FGD4: variants seen among roughly 807,000 people sequenced by gnomAD.
FGD4 encodes FYVE, RhoGEF and PH domain-containing protein 4.
In FGD4, 42 loss-of-function variants were observed where a neutral mutation model predicts 102.0. The ratio of observed to expected loss-of-function variants is 0.41; its 90% CI spans 0.32 to 0.53. The LOEUF (loss-of-function observed/expected upper bound fraction) is 0.53. Among genes scored for constraint, FGD4 ranks in the 20% least tolerant of loss-of-function variants. The pLI, the probability that FGD4 is intolerant of heterozygous loss-of-function variation, is 0.21. For synonymous variants in FGD4, 380 were observed against 375.7 expected, an observed-to-expected ratio of 1.01 and a Z score of -0.13; for missense variants, 902 against 1,078.2, an observed-to-expected ratio of 0.84 and a Z score of 2.29.
At chr12:32,566,168 C>A (rs923202517) in intron 2 of FGD4, among the ~76,000 whole-genome samples, 1 of 152,162 alleles carries the variant, frequency 6.6e-6, no homozygotes, top group African/African-American at 2.4e-5. Flanking sequence ...GTAATGAGGG[C>A]CTGCTTTGTG....
At chr12:32,505,299 C>G (rs1483372570) in intron 1 of FGD4, among the ~76,000 whole-genome samples, 2 of 152,156 alleles carry the variant, frequency 1.3e-5, no homozygotes, top group African/African-American at 4.8e-5. Flanking sequence ...TGCATCAGCA[C>G]AATTTTGCAT....
At chr12:32,550,649 C>T (rs1158721418) in intron 1 of FGD4, among the ~76,000 whole-genome samples, 2 of 121,930 alleles carry the variant, frequency 1.6e-5, no homozygotes, top group East Asian at 2.4e-4. Flanking sequence ...CCAGCCTGGG[C>T]GACAGAGCAA....
At chr12:32,604,949 T>TTTTTTTTTG (rs1948676870) in intron 7 of FGD4, among the ~76,000 whole-genome samples, 2 of 145,410 alleles carry the variant, frequency 1.4e-5, no homozygotes, top group African/African-American at 5.3e-5. Context: ...TTTTTTTTTT[T>TTTTTTTTTG]TTTTTTGGAG....
intron 10 of FGD4, 98 bp from the exon 11 acceptor site, chr12:32,619,600 C>G: frequency 2.2e-6 from 3 of 1,372,788 alleles, no homozygotes; most frequent in Non-Finnish European, 3.1e-6. Context: ...CTATTACACT[C>G]CAGCCTGGGC....
rs1250383078 is a variant in FGD4, at chr12:32,643,820, C to A, written c.*3287C>A. On this transcript the variant is annotated 3_prime_UTR_variant, in exon 17 of 17. Transcript: ENST00000534526. Reference sequence around the variant, plus strand: ...GAGTTCACAATTCTGTTTTACTTTTCCTTGTCCTTACTTTTTGGAAACAGG... The same window carrying A: ...GAGTTCACAATTCTGTTTTACTTTTACTTGTCCTTACTTTTTGGAAACAGG... The A allele has an allele frequency of 6.6e-6, 1 of 151,914 alleles. No homozygotes were observed. Among genetic ancestry groups the A allele is most frequent in the Non-Finnish European group, 1.5e-5 (1 of 67,912 alleles). The allele number at this position is 151,914 out of a possible 1,614,324, so 9.4% of individuals were successfully genotyped here.
At chr12:32,624,712 G>T (rs1333242319) in intron 12 of FGD4, 2 of 658,426 alleles carry the variant, frequency 3.0e-6, no homozygotes, top group Middle Eastern at 4.0e-4. Flanking sequence ...GAGCTCAAGC[G>T]ATCTGCCTGC....
intron 7 of FGD4, among the ~76,000 whole-genome samples, chr12:32,603,142 T>C (rs1350583192): frequency 6.6e-6 from 1 of 152,210 alleles, no homozygotes; most frequent in African/African-American, 2.4e-5. Context: ...TTATATGTTG[T>C]GAGTCTATAA....
rs1478988914 is a variant in FGD4, at chr12:32,643,742, G to A, written c.*3209G>A. 1 of 151,504 alleles carries A rather than the reference G, an allele frequency of 6.6e-6. No individual in the cohort carries two copies. Among genetic ancestry groups the A allele is most frequent in the Non-Finnish European group, 1.5e-5 (1 of 67,796 alleles). 9.4% of individuals were successfully genotyped at this position (151,504 alleles called of 1,614,324 possible). A position where few individuals can be genotyped will look rare whatever the true frequency, so the allele number is the denominator to read the frequency against. Reference sequence around the variant, plus strand: ...AACGATAAAGTTTGTGGTACTGCAGGGTTGTTAAAGATTCTTTGATGCCTT... The same window carrying A: ...AACGATAAAGTTTGTGGTACTGCAGAGTTGTTAAAGATTCTTTGATGCCTT... On this transcript the variant is annotated 3_prime_UTR_variant, in exon 17 of 17. Coordinates refer to ENST00000534526, the MANE Select transcript of FGD4 (RefSeq NM_001370298.3).
chr12:32,621,406 G>C (rs1425343875), intron 11 of FGD4, among the ~76,000 whole-genome samples: 3 of 152,176 alleles, frequency 2.0e-5, no homozygotes, highest in African/African-American at 4.8e-5. Flanking sequence ...AATCCTAGCT[G>C]TAGTGGTGTC....
chr12:32,632,100 A>C (rs1396960057), intron 14 of FGD4, among the ~76,000 whole-genome samples: 2 of 152,208 alleles, frequency 1.3e-5, no homozygotes, highest in African/African-American at 4.8e-5. Context: ...AAATTTGACT[A>C]ATATATTTTC....
chr12:32,553,443 A>G (rs1251397466), intron 1 of FGD4, among the ~76,000 whole-genome samples: 5 of 152,192 alleles, frequency 3.3e-5, no homozygotes, highest in Non-Finnish European at 7.3e-5. Flanking sequence ...GGAAAACAAA[A>G]TATTTCTAGT....
chr12:32,639,828 G>C (rs1317432521), intron 16 of FGD4, among the ~76,000 whole-genome samples: 1 of 152,068 alleles, frequency 6.6e-6, no homozygotes, highest in Admixed American at 6.6e-5. Flanking sequence ...AAAATGACAG[G>C]CTATATAGTT....
chr12:32,577,601 G>A (rs1946231435), intron 3 of FGD4, among the ~76,000 whole-genome samples: 2 of 152,156 alleles, frequency 1.3e-5, no homozygotes, highest in African/African-American at 4.8e-5. Flanking sequence ...AGAGAAGCCT[G>A]TCTTCAATTT....
At chr12:32,596,582 G>GT (rs140983070) in intron 4 of FGD4, among the ~76,000 whole-genome samples, 48,445 of 147,104 alleles carry the variant, frequency 0.33, 7,839 homozygotes, top group Middle Eastern at 0.48. Flanking sequence ...GCAATGGAAA[G>GT]TTTTTTTTTT....
Position 32,552,221 on chromosome 12 carries a change from G to T in FGD4, c.167-11916G>T, listed in dbSNP as rs146110709. Among the ~76,000 whole-genome samples the T allele has an allele frequency of 9.6e-4, 146 of 152,182 alleles. 1 individual carries two copies. The highest frequency in any genetic ancestry group is 3.3e-3 in the African/African-American group (139 of 41,540). On this transcript the variant is annotated intron_variant, in intron 1 of 16. Transcript: ENST00000534526. ...TCCCTGTAGACACAGAGTAATTTGT[G>T]TACTGTAAATAGCTAGATCTTTCTG...
chr12:32,586,018 G>T (rs992088723), intron 4 of FGD4, among the ~76,000 whole-genome samples: 1 of 151,980 alleles, frequency 6.6e-6, no homozygotes, highest in African/African-American at 2.4e-5. Context: ...TGAGCAATGA[G>T]TAGAGGCAAG....
At chr12:32,556,367 C>T (rs1259287416) in intron 1 of FGD4, among the ~76,000 whole-genome samples, 1 of 152,176 alleles carries the variant, frequency 6.6e-6, no homozygotes, top group Non-Finnish European at 1.5e-5. Context: ...CAGAACTCTT[C>T]ATCTTGCAAA....
intron 1 of FGD4, among the ~76,000 whole-genome samples, chr12:32,403,074 G>A (rs1211425860): frequency 6.6e-6 from 1 of 152,020 alleles, no homozygotes; most frequent in African/African-American, 2.4e-5. Flanking sequence ...AAATTTAAAC[G>A]CATTACAAAG....
At chr12:32,524,666 A>T (rs895040488) in intron 1 of FGD4, among the ~76,000 whole-genome samples, 1 of 152,138 alleles carries the variant, frequency 6.6e-6, no homozygotes, top group African/African-American at 2.4e-5. Context: ...CTCTACAAAA[A>T]AATGAAAAAT....
Sources: allele counts gnomAD v4.1 joint callset (sites outside exome capture counted in the v4.1 genomes callset), GRCh38; gene constraint gnomAD v4.1.1; transcripts MANE v1.5; gene names NCBI Gene and HGNC (gene_info 2026-07-23, HGNC 2026-07-21).